The following TMEM163 variants were observed in gnomAD, a reference collection of about 807,000 sequenced individuals.
TMEM163 encodes the protein transmembrane protein 163.
In TMEM163, 17 loss-of-function variants were observed where a neutral mutation model predicts 29.3. The ratio of observed to expected loss-of-function variants is 0.58; its 90% CI spans 0.40 to 0.87. The LOEUF (loss-of-function observed/expected upper bound fraction) is 0.87. Ranked by LOEUF, TMEM163 falls within the 40% of genes least tolerant of loss-of-function variation. The probability of loss-of-function intolerance (pLI) is 0.00; values close to 1 mark genes in which losing one functional copy is unlikely to be tolerated. For synonymous variants in TMEM163, 157 were observed against 160.6 expected, an observed-to-expected ratio of 0.98 and a Z score of 0.17; for missense variants, 303 against 381.5, an observed-to-expected ratio of 0.79 and a Z score of 1.71.
At chr2:134,708,764 T>C (rs564794074) in intron 2 of TMEM163, among the ~76,000 whole-genome samples, 72 of 151,896 alleles carry the variant, frequency 4.7e-4, no homozygotes, top group Admixed American at 9.2e-4. Context: ...TTTGTGTATA[T>C]TTTTTAGTAG....
At chr2:134,562,064 C>T (rs962599380) in intron 2 of TMEM163, among the ~76,000 whole-genome samples, 1 of 152,136 alleles carries the variant, frequency 6.6e-6, no homozygotes, top group Non-Finnish European at 1.5e-5. Flanking sequence ...CTTCTCTTGT[C>T]TTCTATGTTA....
rs115806637 is a variant in TMEM163, at chr2:134,644,056, A to G, written c.322+69144T>C. Among the ~76,000 whole-genome samples the G allele has an allele frequency of 6.5e-3, 990 of 152,252 alleles. 16 individuals are homozygous for G. The highest frequency in any genetic ancestry group is 0.023 in the African/African-American group (952 of 41,570). ...CATTAAATGCAGGTAAATCTAATAA[A>G]ATGTGTGCAGTAACAGTATGCTGAA... On this transcript the variant is annotated intron_variant, in intron 2 of 7. Transcript: ENST00000281924.
chr2:134,592,056 A>G (rs1373693383), intron 2 of TMEM163, among the ~76,000 whole-genome samples: 3 of 152,190 alleles, frequency 2.0e-5, no homozygotes, highest in African/African-American at 7.2e-5. Context: ...GCAGCGAGGG[A>G]GAAGGAGAGT....
In TMEM163 at chr2:134,456,751, C is replaced by T. The variant is rs1199922536; in HGVS notation, c.835G>A (p.Val279Met). ...ATCTCGTAGTGACGTGTCTGCCTCA[C>T]CCTCGGCACCATGTCGATGAGGAGT... ...VKLLIDMVPR[V>M]RQTRHYEMFE is the part of the protein sequence containing the mutation. The change falls in exon 8 of 8, where the codon GTG becomes ATG. Residue 279 changes from valine (V) to methionine (M), a missense_variant. By Grantham distance (21) the Val-to-Met change is conservative. Around this residue, in one of 2 missense-constraint regions of TMEM163, gnomAD observed 203 missense variants for 294.3 expected, o/e 0.69. Coordinates refer to ENST00000281924, the MANE Select transcript of TMEM163 (RefSeq NM_030923.5). The T allele has an allele frequency of 2.5e-6, 4 of 1,613,774 alleles. No individual in the cohort carries two copies. The East Asian group carries it at 8.9e-5, about 36-fold the overall frequency.
chr2:134,598,327 C>T (rs1682140040), intron 2 of TMEM163, among the ~76,000 whole-genome samples: 1 of 152,194 alleles, frequency 6.6e-6, no homozygotes, highest in Admixed American at 6.5e-5. Flanking sequence ...TGTTAATACA[C>T]TTACAAACAC....
chr2:134,715,125 C>A (rs1685010254), intron 1 of TMEM163, among the ~76,000 whole-genome samples: 2 of 152,320 alleles, frequency 1.3e-5, no homozygotes, highest in Admixed American at 1.3e-4. Context: ...GATTGTCATC[C>A]ACTGAGGTAA....
chr2:134,586,468 C>T lies in TMEM163; in HGVS notation c.323-34377G>A, dbSNP rs534653873. ...CCATTTTCACGTGGCATTCTCTTTGCGTGCGTATCTGTGTCCACATTTCCC... is the reference window on the plus strand; with the variant it reads ...CCATTTTCACGTGGCATTCTCTTTGTGTGCGTATCTGTGTCCACATTTCCC... On this transcript the variant is annotated intron_variant, in intron 2 of 7. Coordinates refer to ENST00000281924, the MANE Select transcript of TMEM163 (RefSeq NM_030923.5). Among the ~76,000 whole-genome samples the T allele has an allele frequency of 1.3e-4, 20 of 152,308 alleles. No individual in the cohort carries two copies. In the South Asian group the frequency reaches 2.7e-3, roughly 21 times the overall value.
intron 2 of TMEM163, among the ~76,000 whole-genome samples, chr2:134,567,662 G>A (rs542138703): frequency 2.0e-5 from 3 of 152,296 alleles, no homozygotes; most frequent in Non-Finnish European, 4.4e-5. Flanking sequence ...TTGCACTCTA[G>A]CCTAAGCAAC....
At chr2:134,717,263 T>A (rs1468999459) in intron 1 of TMEM163, among the ~76,000 whole-genome samples, 1 of 152,198 alleles carries the variant, frequency 6.6e-6, no homozygotes, top group African/African-American at 2.4e-5. Flanking sequence ...TCCTACGATA[T>A]TAGCTGGAGA....
chr2:134,520,120 G>A (rs898299161), intron 4 of TMEM163, among the ~76,000 whole-genome samples: 2 of 152,150 alleles, frequency 1.3e-5, no homozygotes, highest in Non-Finnish European at 2.9e-5. Context: ...AGAAGCAAGG[G>A]AGGGAGAGGC....
intron 2 of TMEM163, among the ~76,000 whole-genome samples, chr2:134,584,606 C>T (rs1681769051): frequency 6.8e-6 from 1 of 146,292 alleles, no homozygotes; most frequent in Admixed American, 7.0e-5. Context: ...TTGACCATTG[C>T]ATTTTAGAAG....
At chr2:134,524,180 A>G (rs1277569143) in intron 4 of TMEM163, among the ~76,000 whole-genome samples, 1 of 152,212 alleles carries the variant, frequency 6.6e-6, no homozygotes, top group Admixed American at 6.5e-5. Flanking sequence ...TTGTAATTGC[A>G]TTAAAATGAG....
At chr2:134,664,942 T>C (rs982163070) in intron 2 of TMEM163, among the ~76,000 whole-genome samples, 1 of 152,108 alleles carries the variant, frequency 6.6e-6, no homozygotes, top group African/African-American at 2.4e-5. Flanking sequence ...AGTGCAGTAG[T>C]GCAGTCTCGG....
At chr2:134,570,513 TATACATATACAA>T (rs1681399435) in intron 2 of TMEM163, among the ~76,000 whole-genome samples, 3 of 134,172 alleles carry the variant, frequency 2.2e-5, no homozygotes, top group South Asian at 2.4e-4. Flanking sequence ...TACATATACA[TATACATATACAA>T]CATAGTCATT....
intron 2 of TMEM163, among the ~76,000 whole-genome samples, chr2:134,681,240 G>A (rs747781043): frequency 1.3e-5 from 2 of 152,182 alleles, no homozygotes; most frequent in Non-Finnish European, 2.9e-5. Context: ...TGACAGGCAC[G>A]TCTGGTCATG....
intron 2 of TMEM163, among the ~76,000 whole-genome samples, chr2:134,596,787 G>C (rs1026066132): frequency 4.0e-5 from 6 of 151,824 alleles, no homozygotes; most frequent in Non-Finnish European, 5.9e-5. Flanking sequence ...CTTTTATTTC[G>C]TTGAGCAGTG....
chr2:134,602,427 T>A (rs984456264), intron 2 of TMEM163, among the ~76,000 whole-genome samples: 10 of 152,098 alleles, frequency 6.6e-5, no homozygotes, highest in African/African-American at 2.2e-4. Flanking sequence ...GCTCTGAGAT[T>A]CCCAAGTCAC....
rs1399300854 is a variant in TMEM163 at position 134,550,570 on chromosome 2, A to G, written c.458T>C (p.Ile153Thr). 1.9e-6 allele frequency: 3 copies of G among 1,613,802 alleles called. No homozygotes were observed. The highest frequency in any genetic ancestry group is 2.7e-5 in the African/African-American group (2 of 74,908). The change falls in exon 4 of 8, where the codon ATA (isoleucine) becomes ACA (threonine). Residue 153 changes from isoleucine to threonine, a missense_variant and splice_region_variant. Physicochemically the swap from Ile to Thr is moderately conservative, Grantham distance 89. Around this residue, in one of 2 missense-constraint regions of TMEM163, gnomAD observed 203 missense variants for 294.3 expected, o/e 0.69. Transcript: ENST00000281924. ...AAVHSAHREY[I>T]ACVILGVIFL... ...TGGAGAAAGACAAGAATCTACTTAC[A>G]TGTACTCCCTATGGGCAGAGTGCAC...
intron 2 of TMEM163, among the ~76,000 whole-genome samples, chr2:134,589,421 C>T (rs6714250): frequency 0.016 from 2,388 of 152,254 alleles, 73 homozygotes; most frequent in African/African-American, 0.054. Context: ...AGTAAAGAAG[C>T]CAGCCAGAAC....
Sources: allele counts gnomAD v4.1 joint callset (sites outside exome capture counted in the v4.1 genomes callset), GRCh38; gene constraint gnomAD v4.1.1; regional missense constraint gnomAD v4.1.1; transcripts MANE v1.5; gene names NCBI Gene and HGNC (gene_info 2026-07-23, HGNC 2026-07-21).